The following DNAH11 variants were observed in gnomAD, a reference collection of about 807,000 sequenced individuals.
DNAH11 encodes dynein axonemal heavy chain 11, also known as axonemal beta dynein heavy chain 11.
In DNAH11, 442 loss-of-function variants were observed where a neutral mutation model predicts 526.0. The observed-to-expected ratio is 0.84, with a 90% CI of 0.78 to 0.91. The LOEUF (loss-of-function observed/expected upper bound fraction) is 0.91, where lower values mean the gene tolerates loss of function less well. Ranked by LOEUF, DNAH11 falls within the 40% of genes least tolerant of loss-of-function variation. DNAH11 has a pLI of 0.00. For synonymous variants in DNAH11, 2,461 were observed against 1,935.9 expected, an observed-to-expected ratio of 1.27 and a Z score of -7.12; for missense variants, 6,989 against 5,448.7, an observed-to-expected ratio of 1.28 and a Z score of -8.90.
intron 14 of DNAH11, among the ~76,000 whole-genome samples, chr7:21,593,853 T>C (rs1326211411): frequency 1.3e-5 from 2 of 151,998 alleles, no homozygotes; most frequent in Non-Finnish European, 2.9e-5. Flanking sequence ...ATACTCTCCT[T>C]TGGGCAAGGC....
intron 44 of DNAH11, among the ~76,000 whole-genome samples, chr7:21,721,407 C>T (rs1784869892): frequency 6.6e-6 from 1 of 152,142 alleles, no homozygotes; most frequent in South Asian, 2.1e-4. Flanking sequence ...TTAGATTGCT[C>T]TGGTTATCAT....
At chr7:21,873,200 T>C (rs1467576414) in intron 73 of DNAH11, 74 bp from the exon 74 acceptor site, 3 of 1,245,136 alleles carry the variant, frequency 2.4e-6, no homozygotes, top group South Asian at 2.8e-5. Flanking sequence ...CAATTATATA[T>C]AGGAAAATGT....
At chr7:21,849,689 C>T (rs73279811) in intron 66 of DNAH11, among the ~76,000 whole-genome samples, 14,284 of 152,006 alleles carry the variant, frequency 0.094, 1,933 homozygotes, top group African/African-American at 0.29. Flanking sequence ...AATTGTTATC[C>T]TTGTTCCTTC....
chr7:21,635,350 G>A (rs1786811869), intron 25 of DNAH11, among the ~76,000 whole-genome samples: 1 of 152,190 alleles, frequency 6.6e-6, no homozygotes, highest in African/African-American at 2.4e-5. Flanking sequence ...TAGAGACGGG[G>A]TTTTACCGTG....
intron 48 of DNAH11, among the ~76,000 whole-genome samples, chr7:21,741,646 G>A (rs1298343650): frequency 2.6e-5 from 4 of 152,162 alleles, no homozygotes; most frequent in African/African-American, 7.2e-5. Flanking sequence ...CCTGCTTTAT[G>A]TGTCCCTCAT....
intron 18 of DNAH11, among the ~76,000 whole-genome samples, chr7:21,602,273 A>G (rs1471257081): frequency 6.6e-6 from 1 of 152,176 alleles, no homozygotes; most frequent in Admixed American, 6.5e-5. Flanking sequence ...CGGGAGGTGA[A>G]GGTTGCAGTG....
In DNAH11 at chr7:21,749,675, C is replaced by T. The variant is rs1218021711; in HGVS notation, c.8674-3C>T. Reference sequence around the variant, plus strand: ...AAACATGAGTGATGGCCTTTCCTTACAGGTAGATCTTGCCAATTTGTACAT... The same window carrying T: ...AAACATGAGTGATGGCCTTTCCTTATAGGTAGATCTTGCCAATTTGTACAT... On this transcript the variant is annotated splice_polypyrimidine_tract_variant and splice_region_variant and intron_variant, in intron 52 of 81. Transcript: ENST00000409508. 1.2e-6 allele frequency: 2 copies of T among 1,613,790 alleles called. No individual in the cohort carries two copies. The highest frequency in any genetic ancestry group is 3.3e-5 in the Admixed American group (2 of 59,984).
rs1422905532 is a variant in DNAH11 at position 21,894,685 on chromosome 7, A to G, written c.12813A>G (p.Ile4271Met). The change falls in exon 78 of 82, where the codon ATA becomes ATG. Residue 4271 changes from isoleucine to methionine, a missense_variant. Coordinates refer to ENST00000409508, the MANE Select transcript of DNAH11 (RefSeq NM_001277115.2). ...CAGAAGAGTTCAACATGGCAGAGATAATGCAAAAAAATTCAAATAGAAGCC... is the reference window on the plus strand; with the variant it reads ...CAGAAGAGTTCAACATGGCAGAGATGATGCAAAAAAATTCAAATAGAAGCC... ...KLPEEFNMAE[I>M]MQKNSNRSPY... 1 of 1,613,876 alleles carries G rather than the reference A, an allele frequency of 6.2e-7. No individual in the cohort carries two copies. The highest frequency in any genetic ancestry group is 1.3e-5 in the African/African-American group (1 of 74,942).
chr7:21,773,646 G>A (rs1225999420), intron 55 of DNAH11, 120 bp from the exon 56 acceptor site: 2 of 765,424 alleles, frequency 2.6e-6, no homozygotes, highest in Non-Finnish European at 4.0e-6. Context: ...GTTTTCGTAG[G>A]TTATACTATC....
At chr7:21,596,997 G>A (rs550637574) in intron 14 of DNAH11, among the ~76,000 whole-genome samples, 1 of 152,356 alleles carries the variant, frequency 6.6e-6, no homozygotes, top group South Asian at 2.1e-4. Flanking sequence ...GGGAAAAGCT[G>A]TAGAAATATG....
At chr7:21,619,790 C>T (rs1007119859) in intron 24 of DNAH11, among the ~76,000 whole-genome samples, 166 bp from the exon 25 acceptor site, 4 of 152,076 alleles carry the variant, frequency 2.6e-5, no homozygotes, top group East Asian at 1.9e-4. Flanking sequence ...AAAATTCATT[C>T]TTCAAACCCC....
intron 35 of DNAH11, among the ~76,000 whole-genome samples, chr7:21,691,173 TTTTTC>T (rs972507783): frequency 8.3e-5 from 6 of 72,372 alleles, no homozygotes; most frequent in African/African-American, 8.1e-4. Flanking sequence ...CATAATTTTT[TTTTTC>T]TTTTTTTTTT....
chr7:21,892,793 G>A, intron 77 of DNAH11, 126 bp downstream of exon 77: 1 of 1,115,406 alleles, frequency 9.0e-7, no homozygotes, highest in Non-Finnish European at 1.2e-6. Context: ...CCACCACCTA[G>A]ATCAAAATAA....
intron 72 of DNAH11, among the ~76,000 whole-genome samples, chr7:21,868,620 AG>A (rs1192660835): frequency 1.3e-5 from 2 of 152,248 alleles, no homozygotes; most frequent in African/African-American, 4.8e-5. Context: ...AAATGTCAAT[AG>A]CTTCATTATC....
chr7:21,600,009 G>C lies in DNAH11; in HGVS notation c.2890G>C (p.Glu964Gln), dbSNP rs1785014554. 4 of 1,613,268 alleles carry C rather than the reference G, an allele frequency of 2.5e-6. No homozygotes were observed. The highest frequency in any genetic ancestry group is 1.3e-5 in the African/African-American group (1 of 74,904). ...TGTGTTTAAACCTTCCCTAGACAGA[G>C]AGGCTGGGGATGGCTTCTATGATCT... Reference protein sequence around the residue: ...EIVFKPSLDREAGDGFYDLVE... With the variant: ...EIVFKPSLDRQAGDGFYDLVE... The change falls in exon 15 of 82, where the codon GAG becomes CAG. Residue 964 changes from glutamate (E) to glutamine (Q), a missense_variant. Coordinates refer to ENST00000409508, the MANE Select transcript of DNAH11 (RefSeq NM_001277115.2).
chr7:21,572,036 G>A, intron 8 of DNAH11, 63 bp downstream of exon 8: 1 of 1,358,392 alleles, frequency 7.4e-7, no homozygotes, highest in Non-Finnish European at 9.6e-7. Flanking sequence ...TGAAAAGGAA[G>A]ATAGGTCACA....
intron 8 of DNAH11, among the ~76,000 whole-genome samples, chr7:21,576,811 A>T (rs921001530): frequency 8.5e-5 from 13 of 152,236 alleles, no homozygotes; most frequent in African/African-American, 3.1e-4. Flanking sequence ...TGATGTTTAT[A>T]ACAAAAGTGT....
At chr7:21,615,480 G>C (rs573205885) in intron 21 of DNAH11, among the ~76,000 whole-genome samples, 71 of 151,992 alleles carry the variant, frequency 4.7e-4, no homozygotes, top group African/African-American at 1.7e-3. Flanking sequence ...TTTTAGTTCA[G>C]GATGAAACTT....
chr7:21,822,886 G>T (rs1212518343), intron 65 of DNAH11, among the ~76,000 whole-genome samples: 2 of 149,308 alleles, frequency 1.3e-5, no homozygotes, highest in Non-Finnish European at 3.0e-5. Context: ...TATACCCGTT[G>T]GCCATTTGTA....
Sources: gnomAD v4.1 joint callset for allele counts (sites outside exome capture counted in the v4.1 genomes callset) on GRCh38, gnomAD v4.1.1 for gene constraint, MANE v1.5 for transcripts, NCBI Gene and HGNC (gene_info 2026-07-23, HGNC 2026-07-21) for gene names.